Variants in GTF3C1 observed in about 807,000 individuals in gnomAD.
GTF3C1 encodes the protein general transcription factor IIIC subunit 1.
A neutral mutation model predicts 226.7 loss-of-function variants in GTF3C1; 57 were observed. The ratio of observed to expected loss-of-function variants is 0.25; its 90% CI spans 0.20 to 0.31. The LOEUF is 0.31. Among genes scored for constraint, GTF3C1 ranks in the 10% least tolerant of loss-of-function variants. The probability of loss-of-function intolerance (pLI) is 1.00; values close to 1 mark genes in which losing one functional copy is unlikely to be tolerated. For synonymous variants in GTF3C1, 1,090 were observed against 1,084.8 expected, an observed-to-expected ratio of 1.00 and a Z score of -0.09; for missense variants, 2,217 against 2,776.1, an observed-to-expected ratio of 0.80 and a Z score of 4.53.
intron 10 of GTF3C1, among the ~76,000 whole-genome samples, chr16:27,503,526 A>G (rs1029746387): frequency 6.6e-6 from 1 of 152,214 alleles, no homozygotes; most frequent in African/African-American, 2.4e-5. Context: ...AAACCAGGGA[A>G]GTCTCTGGGC....
chr16:27,489,311 A>T lies in GTF3C1; in HGVS notation c.3294-133T>A, dbSNP rs2088195360. The stretch of plus-strand genomic sequence containing the variant: ...CCAGAAAAACACCCCACAGGTAGCA[A>T]TGAAGAACTTGGGGGCCCTAAGTGT... On this transcript the variant is annotated intron_variant, in intron 20 of 36. Coordinates refer to ENST00000356183, the MANE Select transcript of GTF3C1 (RefSeq NM_001520.4). 1.9e-5 allele frequency: 19 copies of T among 982,246 alleles called. No individual in the cohort carries two copies. The South Asian group carries it at 3.0e-4, about 16-fold the overall frequency. The allele number at this position is 982,246 out of a possible 1,614,324, so 60.8% of individuals were successfully genotyped here.
chr16:27,470,434 AGCT>A lies in GTF3C1; in HGVS notation c.4527-42_4527-40del. 6.5e-7 allele frequency: 1 copy of A among 1,541,744 alleles called. No individual in the cohort carries two copies. The highest frequency in any genetic ancestry group is 8.9e-7 in the Non-Finnish European group (1 of 1,123,706). On this transcript the variant is annotated intron_variant, in intron 30 of 36. Coordinates refer to ENST00000356183, the MANE Select transcript of GTF3C1 (RefSeq NM_001520.4). The surrounding 1 kb of genome is among the most constrained non-coding windows in gnomAD (Gnocchi z 4.9). The stretch of plus-strand genomic sequence containing the variant: ...GAAAGGAAGGGCCTGACTGAGGGCC[AGCT>A]GTGGGAAGCCTTCATTTGGATGGAC...
rs1029238201 is a variant in GTF3C1, at chr16:27,483,127, T to A, written c.4002-2A>T. On this transcript the variant is annotated splice_acceptor_variant, in intron 25 of 36. Transcript: ENST00000356183. LOFTEE classifies it high-confidence loss of function. The stretch of plus-strand genomic sequence containing the variant: ...TGGTACACCTCGGCCAGGCACACTC[T>A]GCAGGAAGAGGAGACAAAGCTGAAG... 1 of 1,613,954 alleles carries A rather than the reference T, an allele frequency of 6.2e-7. No homozygotes were observed.
At chr16:27,473,265 T>A (rs2087902858) in intron 29 of GTF3C1, among the ~76,000 whole-genome samples, 1 of 152,232 alleles carries the variant, frequency 6.6e-6, no homozygotes, top group Non-Finnish European at 1.5e-5. Flanking sequence ...CTGCTGGACA[T>A]GCCATGGTGA....
rs556238234 is a variant in GTF3C1, at chr16:27,464,508, G to A, written c.5684C>T (p.Pro1895Leu). ...RPALQDSNLA[P>L]SLGPGAEDGA... Reference sequence around the variant, plus strand: ...ATCTTCAGCTCCGGGCCCAAGGCTGGGGGCCAAATTTGAGTCCTGGAGCGC... The same window carrying A: ...ATCTTCAGCTCCGGGCCCAAGGCTGAGGGCCAAATTTGAGTCCTGGAGCGC... The change falls in exon 34 of 37, where the codon CCC (proline) becomes CTC (leucine). Residue 1895 changes from proline to leucine, a missense_variant. Physicochemically the swap from Pro to Leu is moderately conservative, Grantham distance 98. This residue lies in a region of GTF3C1 where 455 missense variants were observed against 441.9 expected (regional missense o/e 1.03). Coordinates refer to ENST00000356183, the MANE Select transcript of GTF3C1 (RefSeq NM_001520.4). 1.3e-4 allele frequency: 194 copies of A among 1,524,716 alleles called. 1 individual carries two copies. In the South Asian group the frequency reaches 2.3e-3, roughly 18 times the overall value. The allele number at this position is 1,524,716 out of a possible 1,614,324, so 94.4% of individuals were successfully genotyped here.
chr16:27,509,953 G>A (rs2141408500), intron 7 of GTF3C1, among the ~76,000 whole-genome samples: 1 of 151,854 alleles, frequency 6.6e-6, no homozygotes, highest in Admixed American at 6.6e-5. Flanking sequence ...CTAAAAAGTA[G>A]GGATGAAAGG....
rs761133580 is a variant in GTF3C1 at position 27,511,821 on chromosome 16, C to G, written c.1054G>C (p.Val352Leu). Reference protein sequence around the residue: ...NDHDDDEDEEVISKTVPPVDI... With the variant: ...NDHDDDEDEELISKTVPPVDI... ...ACTGGAGGCACTGTCTTGGAGATGA[C>G]CTCCTCGTCCTCGTCATCATCATGG... Residue 352 changes from valine (V) to leucine (L), a missense_variant, in exon 7 of 37, where the codon GTC becomes CTC. Physicochemically the swap from Val to Leu is conservative, Grantham distance 32 (BLOSUM62 1). Transcript: ENST00000356183. 2 of 1,614,146 alleles carry G rather than the reference C, an allele frequency of 1.2e-6. No individual in the cohort carries two copies. The highest frequency in any genetic ancestry group is 8.5e-7 in the Non-Finnish European group (1 of 1,180,018).
chr16:27,502,986 T>C lies in GTF3C1; in HGVS notation c.1780A>G (p.Ser594Gly). 6.2e-7 allele frequency: 1 copy of C among 1,612,568 alleles called. No individual in the cohort carries two copies. The highest frequency in any genetic ancestry group is 8.5e-7 in the Non-Finnish European group (1 of 1,178,564). ...VRMENPKESS[S>G]SLKTGRHSSG... is the part of the protein sequence containing the mutation. Reference sequence around the variant, plus strand: ...CTGTGCCTCCCAGTCTTCAGGGAACTGCTACTCTCCTAGAACAGAGACCGA... The same window carrying C: ...CTGTGCCTCCCAGTCTTCAGGGAACCGCTACTCTCCTAGAACAGAGACCGA... Residue 594 changes from serine (S) to glycine (G), a missense_variant, in exon 11 of 37, where the codon AGT becomes GGT. Coordinates refer to ENST00000356183, the MANE Select transcript of GTF3C1 (RefSeq NM_001520.4).
At position 27,502,978 on chromosome 16, in the gene GTF3C1, C is replaced by T. The variant is rs745400564; in HGVS notation, c.1788G>A (p.Leu596=). 1.9e-6 allele frequency: 3 copies of T among 1,613,076 alleles called. No individual in the cohort carries two copies. The highest frequency in any genetic ancestry group is 2.2e-5 in the East Asian group (1 of 44,888). The change falls in exon 11 of 37, where the codon CTG becomes CTA. Residue 596 remains leucine, a synonymous_variant. Coordinates refer to ENST00000356183, the MANE Select transcript of GTF3C1 (RefSeq NM_001520.4). ...MENPKESSSS[L]KTGRHSSGQD... ...GGCCTGAGCTGTGCCTCCCAGTCTT[C>T]AGGGAACTGCTACTCTCCTAGAACA...
At chr16:27,498,910 C>T (rs1264355549) in intron 12 of GTF3C1, among the ~76,000 whole-genome samples, 177 bp from the exon 13 acceptor site, 2 of 152,204 alleles carry the variant, frequency 1.3e-5, no homozygotes, top group South Asian at 2.1e-4. Flanking sequence ...CAGCTACTGG[C>T]GGCAAAATTC....
chr16:27,489,374 C>T (rs1414245642), intron 20 of GTF3C1, among the ~76,000 whole-genome samples, 196 bp from the exon 21 acceptor site: 2 of 152,210 alleles, frequency 1.3e-5, no homozygotes, highest in South Asian at 2.1e-4. Flanking sequence ...GTCAAAAATC[C>T]AGATTTTTAT....
At chr16:27,476,374 G>A in intron 29 of GTF3C1, 77 bp downstream of exon 29, 1 of 879,388 alleles carries the variant, frequency 1.1e-6, no homozygotes, top group South Asian at 1.4e-5. Context: ...GCGGAGAAGG[G>A]CAGGGGCCAG....
At chr16:27,525,313 T>C (rs1242333281) in intron 6 of GTF3C1, among the ~76,000 whole-genome samples, 3 of 152,264 alleles carry the variant, frequency 2.0e-5, no homozygotes, top group African/African-American at 7.2e-5. Flanking sequence ...TCTATTTTCC[T>C]CTCTACTTAA....
chr16:27,499,639 G>A (rs190236269), intron 12 of GTF3C1, among the ~76,000 whole-genome samples: 40 of 152,300 alleles, frequency 2.6e-4, no homozygotes, highest in Admixed American at 2.4e-3. Context: ...TGTGAAATAA[G>A]GACCACCCTG....
In GTF3C1 at chr16:27,506,073, C is replaced by A; in HGVS notation, c.1596G>T (p.Pro532=). Residue 532 remains proline, a synonymous_variant, in exon 10 of 37, where the codon CCG becomes CCT. Coordinates refer to ENST00000356183, the MANE Select transcript of GTF3C1 (RefSeq NM_001520.4). ...CTTCAGCAGCTCCTGGGAAGGAGGG[C>A]GGCTGCTTTTTCAATGGGTGTAGGT... is the stretch of plus-strand genomic sequence containing the variant. ...VVNLHPLKKQ[P]PSFPGAAEER... is the part of the protein sequence containing the mutation. The A allele has an allele frequency of 1.2e-6, 2 of 1,613,616 alleles. No homozygotes were observed. Among genetic ancestry groups the A allele is most frequent in the Non-Finnish European group, 1.7e-6 (2 of 1,179,530 alleles).
chr16:27,504,014 A>G (rs997975828), intron 10 of GTF3C1, among the ~76,000 whole-genome samples: 3 of 152,230 alleles, frequency 2.0e-5, no homozygotes, highest in Non-Finnish European at 4.4e-5. Context: ...GAGTCCCAAG[A>G]GGGGCAGAAA....
At chr16:27,524,732 T>C (rs2088803516) in intron 6 of GTF3C1, among the ~76,000 whole-genome samples, 1 of 152,254 alleles carries the variant, frequency 6.6e-6, no homozygotes, top group Non-Finnish European at 1.5e-5. Flanking sequence ...TTAGTTTCTC[T>C]TTACTTTAAA....
At chr16:27,484,074 A>C in intron 25 of GTF3C1, 137 bp downstream of exon 25, 1 of 670,456 alleles carries the variant, frequency 1.5e-6, no homozygotes. Flanking sequence ...ACCAAGGTCC[A>C]TCTCCCCAGC....
At chr16:27,493,392 C>T in intron 16 of GTF3C1, 96 bp from the exon 17 acceptor site, 1 of 705,414 alleles carries the variant, frequency 1.4e-6, no homozygotes, top group South Asian at 1.5e-5. Context: ...TGACCATAGT[C>T]TCCCTGAACC....
Sources: allele counts gnomAD v4.1 joint callset (sites outside exome capture counted in the v4.1 genomes callset), GRCh38; gene constraint gnomAD v4.1.1; regional missense constraint gnomAD v4.1.1; non-coding constraint Gnocchi (gnomAD v3.1); transcripts MANE v1.5; gene names NCBI Gene and HGNC (gene_info 2026-07-23, HGNC 2026-07-21).